Variants in OCA2 observed in about 807,000 individuals in gnomAD.
OCA2 encodes the protein OCA2 melanosomal transmembrane protein, also known as P protein.
Under a neutral mutation model 100.2 loss-of-function variants are expected in OCA2, and 77 were observed. That is an observed-to-expected ratio of 0.77 (90% CI 0.64 to 0.93). The LOEUF is 0.93. Among genes scored for constraint, OCA2 ranks in the 40% least tolerant of loss-of-function variants. OCA2 has a pLI of 0.00. For synonymous variants in OCA2, 432 were observed against 439.2 expected (o/e 0.98, Z 0.21); for missense variants, 1,062 against 1,089.1 (o/e 0.98, Z 0.35).
At chr15:27,951,340 C>T (rs1427108782) in intron 18 of OCA2, among the ~76,000 whole-genome samples, 1 of 152,368 alleles carries the variant, frequency 6.6e-6, no homozygotes, top group Middle Eastern at 3.4e-3. Context: ...GTGGGCCCTG[C>T]AGAGCACCGG....
chr15:27,796,915 C>T (rs2033366816), intron 23 of OCA2, among the ~76,000 whole-genome samples: 1 of 152,192 alleles, frequency 6.6e-6, no homozygotes, highest in South Asian at 2.1e-4. Context: ...TCTGGCAACC[C>T]TCTGTGAGGG....
Position 27,901,392 on chromosome 15 carries a change from G to A in OCA2, c.2079+24735C>T, listed in dbSNP as rs79062739. Reference sequence around the variant, plus strand: ...GGGAGACACTGGCAGGACTTGATGGGTGGGAGGAACAAGGTCACTGAATCT... The same window carrying A: ...GGGAGACACTGGCAGGACTTGATGGATGGGAGGAACAAGGTCACTGAATCT... On this transcript the variant is annotated intron_variant, in intron 19 of 23. Transcript: ENST00000354638. 5.7e-3 allele frequency among the ~76,000 whole-genome samples: 872 copies of A among 152,300 alleles called. 9 individuals carry two copies. The highest frequency in any genetic ancestry group is 0.02 in the African/African-American group (821 of 41,558).
At chr15:28,077,325 C>T (rs1211238152) in intron 2 of OCA2, among the ~76,000 whole-genome samples, 1 of 152,172 alleles carries the variant, frequency 6.6e-6, no homozygotes, top group East Asian at 1.9e-4. Flanking sequence ...TCCCAAAGTG[C>T]TGGGATTACA....
At chr15:27,851,299 T>C in intron 22 of OCA2, 83 bp downstream of exon 22, 1 of 1,117,508 alleles carries the variant, frequency 8.9e-7, no homozygotes, top group Non-Finnish European at 1.3e-6. Context: ...TTGCTTTTAA[T>C]CTGATACACA....
At chr15:27,775,847 A>C (rs1010664662) in intron 23 of OCA2, among the ~76,000 whole-genome samples, 1 of 152,112 alleles carries the variant, frequency 6.6e-6, no homozygotes, top group African/African-American at 2.4e-5. Flanking sequence ...AGACTGGATG[A>C]GGGCTCGGCC....
intron 23 of OCA2, among the ~76,000 whole-genome samples, chr15:27,811,296 A>C (rs2034066732): frequency 2.0e-5 from 3 of 152,200 alleles, no homozygotes; most frequent in Non-Finnish European, 2.9e-5. Context: ...TTCAGTTGTA[A>C]GTGGGAGCTA....
chr15:27,962,665 A>G (rs965254062), intron 15 of OCA2, among the ~76,000 whole-genome samples: 2 of 152,234 alleles, frequency 1.3e-5, no homozygotes, highest in Admixed American at 6.5e-5. Flanking sequence ...TTAAAGCCAA[A>G]AAAAGTAACA....
chr15:27,776,280 C>T (rs2151068785), intron 23 of OCA2, among the ~76,000 whole-genome samples: 1 of 152,322 alleles, frequency 6.6e-6, no homozygotes, highest in Non-Finnish European at 1.5e-5. Flanking sequence ...AGAAGCCATT[C>T]TGCACACCAT....
At chr15:28,008,770 G>C (rs544965107) in intron 9 of OCA2, among the ~76,000 whole-genome samples, 1 of 152,350 alleles carries the variant, frequency 6.6e-6, no homozygotes, top group South Asian at 2.1e-4. Context: ...CAGATGAGAA[G>C]GGATCAGGGA....
intron 2 of OCA2, among the ~76,000 whole-genome samples, chr15:28,072,407 G>A (rs2044289038): frequency 6.6e-6 from 1 of 152,082 alleles, no homozygotes; most frequent in African/African-American, 2.4e-5. Context: ...GGCTAACACG[G>A]TGAAACCCCA....
the OCA2 span, among the ~76,000 whole-genome samples, chr15:27,747,738 T>G: frequency 1.0e-5 from 1 of 100,026 alleles, no homozygotes; most frequent in East Asian, 3.2e-4. Flanking sequence ...AAACCTAGAT[T>G]TAATATCTAT....
chr15:28,055,034 CAT>C (rs1361602258), intron 2 of OCA2, among the ~76,000 whole-genome samples: 5 of 152,228 alleles, frequency 3.3e-5, no homozygotes, highest in Non-Finnish European at 7.3e-5. Context: ...CCACCCTTGA[CAT>C]GTGGGGATTA....
chr15:27,919,496 T>G (rs2038784162), intron 19 of OCA2, among the ~76,000 whole-genome samples: 2 of 152,102 alleles, frequency 1.3e-5, no homozygotes, highest in South Asian at 4.2e-4. Context: ...TAAATGCATA[T>G]TACTAAATGA....
chr15:27,769,389 T>TG (rs2151025065), intron 23 of OCA2, among the ~76,000 whole-genome samples: 2 of 152,328 alleles, frequency 1.3e-5, no homozygotes, highest in East Asian at 3.9e-4. Context: ...TGCTGGGAAA[T>TG]GGGGCAGCCC....
At chr15:27,942,407 C>T (rs1213094475) in intron 18 of OCA2, among the ~76,000 whole-genome samples, 1 of 151,866 alleles carries the variant, frequency 6.6e-6, no homozygotes, top group East Asian at 1.9e-4. Context: ...ACACAAAAGA[C>T]CACATGTTAA....
intron 1 of OCA2, among the ~76,000 whole-genome samples, chr15:28,082,442 C>G (rs886481878): frequency 6.6e-6 from 1 of 152,186 alleles, no homozygotes; most frequent in South Asian, 2.1e-4. Flanking sequence ...TTCTTGAAGT[C>G]AGTGAGAGCA....
At chr15:27,736,142 A>G in the OCA2 span, among the ~76,000 whole-genome samples, 1 of 152,198 alleles carries the variant, frequency 6.6e-6, no homozygotes. Flanking sequence ...AAAAATAACT[A>G]TAAGTGTACA....
intron 14 of OCA2, among the ~76,000 whole-genome samples, chr15:27,976,822 TA>T (rs1567181538): frequency 6.6e-6 from 1 of 152,210 alleles, no homozygotes; most frequent in Non-Finnish European, 1.5e-5. Context: ...ATTATAACAT[TA>T]TTTTTTCCTT....
chr15:27,976,888 T>C (rs1413258931), intron 14 of OCA2, among the ~76,000 whole-genome samples: 6 of 151,496 alleles, frequency 4.0e-5, no homozygotes, highest in East Asian at 1.9e-4. Context: ...TGTTTGTTTA[T>C]GTTTGTTTTG....
Sources: gnomAD v4.1 joint callset for allele counts (sites outside exome capture counted in the v4.1 genomes callset) on GRCh38, gnomAD v4.1.1 for gene constraint, MANE v1.5 for transcripts, NCBI Gene and HGNC (gene_info 2026-07-23, HGNC 2026-07-21) for gene names.